The following CCDC175 variants were observed in gnomAD, a reference collection of about 807,000 sequenced individuals.
CCDC175 encodes coiled-coil domain containing 175.
CCDC175 carries 100 observed loss-of-function variants against 114.6 expected under a neutral mutation model. That is an observed-to-expected ratio of 0.87 (90% CI 0.74 to 1.03). CCDC175 has a LOEUF of 1.03. Among genes scored for constraint, CCDC175 ranks in the 50% least tolerant of loss-of-function variants. CCDC175 has a pLI of 0.00. For missense variants in CCDC175, 880 were observed against 917.8 expected, an observed-to-expected ratio of 0.96 and a Z score of 0.53; for synonymous variants, 306 against 308.7, an observed-to-expected ratio of 0.99 and a Z score of 0.09.
chr14:59,522,327 G>C (rs889153661), intron 16 of CCDC175, among the ~76,000 whole-genome samples: 1 of 152,182 alleles, frequency 6.6e-6, no homozygotes, highest in African/African-American at 2.4e-5. Context: ...ATTGTGTTCA[G>C]TGCTACAGAT....
chr14:59,531,157 T>C (rs1162809563), intron 14 of CCDC175, among the ~76,000 whole-genome samples: 2 of 152,170 alleles, frequency 1.3e-5, no homozygotes, highest in South Asian at 4.1e-4. Flanking sequence ...ATATAAACTT[T>C]GGACCTTGGG....
intron 2 of CCDC175, 55 bp from the exon 3 acceptor site, chr14:59,572,868 A>G: frequency 1.9e-6 from 2 of 1,074,042 alleles, no homozygotes; most frequent in Non-Finnish European, 1.3e-6. Flanking sequence ...AGTAAGATTG[A>G]TTTCCTAAAC....
intron 6 of CCDC175, among the ~76,000 whole-genome samples, 162 bp from the exon 7 acceptor site, chr14:59,561,390 A>G (rs776269203): frequency 2.0e-5 from 3 of 152,224 alleles, no homozygotes; most frequent in Non-Finnish European, 4.4e-5. Flanking sequence ...TCTATAAAAT[A>G]AACTTGGACA....
rs141234104 is a variant in CCDC175 at position 59,510,237 on chromosome 14, G to A, written c.2305+409C>T. On this transcript the variant is annotated intron_variant, in intron 19 of 19. Transcript: ENST00000537690. ...ATGTGTTAACATCTCAGAAGCCCCC[G>A]CAGCCATCACTAGATTTTTCTGAGA... Among the ~76,000 whole-genome samples, 8 of 152,202 alleles carry A rather than the reference G, an allele frequency of 5.3e-5. No individual in the cohort carries two copies. In the East Asian group the frequency reaches 5.8e-4, roughly 11 times the overall value.
chr14:59,553,649 A>C (rs532251661), intron 7 of CCDC175, among the ~76,000 whole-genome samples: 5 of 152,378 alleles, frequency 3.3e-5, no homozygotes, highest in African/African-American at 1.2e-4. Context: ...TAAATGCTCC[A>C]ATTAAAAGAC....
chr14:59,516,903 T>C (rs4901934), intron 17 of CCDC175, among the ~76,000 whole-genome samples: 69,593 of 151,544 alleles, frequency 0.46, 18,272 homozygotes, highest in East Asian at 0.81. Context: ...TGATGAACAT[T>C]GATGCAAAAA....
In CCDC175 at chr14:59,505,097, T is replaced by C. The variant is rs1892253621; in HGVS notation, c.*142A>G. 1 of 445,886 alleles carries C rather than the reference T, an allele frequency of 2.2e-6. No individual in the cohort carries two copies. The highest frequency in any genetic ancestry group is 4.0e-6 in the Non-Finnish European group (1 of 249,904). The allele number at this position is 445,886 out of a possible 1,614,324, so 27.6% of individuals were successfully genotyped here. A position where few individuals can be genotyped will look rare whatever the true frequency, so the allele number is the denominator to read the frequency against. On this transcript the variant is annotated 3_prime_UTR_variant, in exon 20 of 20. Transcript: ENST00000537690. ...TTTTATTGTTTAGAAGTTTATTTAC[T>C]GATACTTGGTGGAGGTTGTGTGAAT...
intron 13 of CCDC175, among the ~76,000 whole-genome samples, chr14:59,537,334 C>T (rs1032812767): frequency 1.3e-5 from 2 of 152,106 alleles, no homozygotes; most frequent in South Asian, 4.1e-4. Context: ...GGTAAAGACT[C>T]TAAATTAGGA....
chr14:59,521,509 T>A lies in CCDC175; in HGVS notation c.2098+65A>T, dbSNP rs958112697. The A allele has an allele frequency of 4.2e-5, 36 of 848,644 alleles. No homozygotes were observed. In the African/African-American group the frequency reaches 5.4e-4, roughly 13 times the overall value. 52.6% of individuals were successfully genotyped at this position (848,644 alleles called of 1,614,324 possible). On this transcript the variant is annotated intron_variant, in intron 17 of 19. Transcript: ENST00000537690. ...TAATAAGCTCCCTTTCATATATACA[T>A]ATATCCTATTAGTTCTGTCCCGCTA...
chr14:59,513,370 C>T (rs1986828), intron 17 of CCDC175, among the ~76,000 whole-genome samples: 148,324 of 152,224 alleles, frequency 0.97, 72,378 homozygotes, highest in East Asian at 1. Context: ...GGGGGAGGCA[C>T]TGCCTCACCT....
chr14:59,555,095 TCCTC>T (rs1423148483), intron 7 of CCDC175, among the ~76,000 whole-genome samples: 1 of 152,034 alleles, frequency 6.6e-6, no homozygotes, highest in Non-Finnish European at 1.5e-5. Flanking sequence ...AAAGAGGGAA[TCCTC>T]CCTAACTCAT....
At position 59,547,606 on chromosome 14, in the gene CCDC175, G is replaced by C. The variant is rs1895192603; in HGVS notation, c.1036-2307C>G. Among the ~76,000 whole-genome samples, 3 of 152,198 alleles carry C rather than the reference G, an allele frequency of 2.0e-5. No individual in the cohort carries two copies. The South Asian group carries it at 6.2e-4, about 31-fold the overall frequency. On this transcript the variant is annotated intron_variant, in intron 8 of 19. Coordinates refer to ENST00000537690, the MANE Select transcript of CCDC175 (RefSeq NM_001164399.2). The stretch of plus-strand genomic sequence containing the variant: ...CCACAATGTAGTGAAGGAAAGGATT[G>C]TATTTTCAGTAAATGGTGCTGGTTA...
chr14:59,550,220 A>G (rs1895384265), intron 8 of CCDC175, among the ~76,000 whole-genome samples: 1 of 152,134 alleles, frequency 6.6e-6, no homozygotes, highest in Non-Finnish European at 1.5e-5. Context: ...ACTGTTTTAT[A>G]ATATAGTATT....
chr14:59,558,120 C>A (rs1896022527), intron 7 of CCDC175, among the ~76,000 whole-genome samples: 1 of 152,068 alleles, frequency 6.6e-6, no homozygotes, highest in African/African-American at 2.4e-5. Flanking sequence ...AAGAGCTTTT[C>A]AGGTGGAAGA....
At chr14:59,566,712 G>T (rs962624857) in intron 4 of CCDC175, among the ~76,000 whole-genome samples, 2 of 152,188 alleles carry the variant, frequency 1.3e-5, no homozygotes, top group African/African-American at 4.8e-5. Flanking sequence ...TCAAACAGCT[G>T]CTCTGTCTGT....
intron 17 of CCDC175, among the ~76,000 whole-genome samples, chr14:59,513,210 A>C (rs886700475): frequency 6.6e-6 from 1 of 152,348 alleles, no homozygotes; most frequent in African/African-American, 2.4e-5. Flanking sequence ...CCGAATAGGA[A>C]CAGCTCCAGT....
chr14:59,551,759 C>A (rs1472163947), intron 7 of CCDC175, among the ~76,000 whole-genome samples: 1 of 152,186 alleles, frequency 6.6e-6, no homozygotes, highest in African/African-American at 2.4e-5. Flanking sequence ...AAAATCCGGT[C>A]ACTCCCACCC....
intron 7 of CCDC175, 39 bp from the exon 8 acceptor site, chr14:59,551,475 A>G: frequency 9.2e-7 from 1 of 1,091,580 alleles, no homozygotes; most frequent in East Asian, 2.8e-5. Flanking sequence ...ATATAAGAAC[A>G]TACTTTTGAA....
At position 59,531,787 on chromosome 14, in the gene CCDC175, T is replaced by G. The variant is rs1310565217; in HGVS notation, c.1747A>C (p.Ser583Arg). The G allele has an allele frequency of 5.3e-6, 8 of 1,497,102 alleles. No homozygotes were observed. Among genetic ancestry groups the G allele is most frequent in the Non-Finnish European group, 5.3e-6 (6 of 1,123,052 alleles). 92.7% of individuals were successfully genotyped at this position (1,497,102 alleles called of 1,614,324 possible). ...TCATATGTACCTGTAATAATATTAC[T>G]GAGCTCTTCTAACTTTCTTCTTTTC... ...KEKRRKLEEL[S>R]NIITAQRQEE... The change falls in exon 14 of 20, where the codon AGT (serine) becomes CGT (arginine). Residue 583 changes from serine (S) to arginine (R), a missense_variant. By Grantham distance (110) the Ser-to-Arg change is moderately radical (BLOSUM62 -1). Transcript: ENST00000537690.
Sources: allele counts gnomAD v4.1 joint callset (sites outside exome capture counted in the v4.1 genomes callset), GRCh38; gene constraint gnomAD v4.1.1; transcripts MANE v1.5; gene names NCBI Gene and HGNC (gene_info 2026-07-23, HGNC 2026-07-21).